The following DLST variants were observed in gnomAD, a reference collection of about 807,000 sequenced individuals.
DLST encodes the protein dihydrolipoyllysine-residue succinyltransferase component of 2-oxoglutarate dehydrogenase complex, mitochondrial.
Under a neutral mutation model 53.1 loss-of-function variants are expected in DLST, and 17 were observed. The observed-to-expected ratio is 0.32, with a 90% confidence interval of 0.22 to 0.48. The LOEUF is 0.48. DLST is among the 20% of genes least tolerant of loss of function. The pLI is 0.99. For missense variants in DLST, 512 were observed against 583.9 expected (o/e 0.88, Z 1.27); for synonymous variants, 206 against 204.8 (o/e 1.01, Z -0.05).
intron 6 of DLST, among the ~76,000 whole-genome samples, chr14:74,890,713 C>CGCT (rs1555373374): frequency 4.6e-5 from 7 of 152,036 alleles, no homozygotes; most frequent in South Asian, 2.1e-4. Context: ...ACTGGAGATA[C>CGCT]GCTGTTGTTG....
rs945799551 is a variant in DLST, at chr14:74,889,972, G to C, written c.330+20G>C. Reference sequence around the variant, plus strand: ...GACAAGGTAGGCTTATCTTATATTCGTACCAGCTTTTCATGGGCTTCCCTT... The same window carrying C: ...GACAAGGTAGGCTTATCTTATATTCCTACCAGCTTTTCATGGGCTTCCCTT... On this transcript the variant is annotated intron_variant, in intron 6 of 14. Transcript: ENST00000334220. 6.8e-6 allele frequency: 11 copies of C among 1,609,228 alleles called. No homozygotes were observed. Among genetic ancestry groups the C allele is most frequent in the South Asian group, 4.4e-5 (4 of 90,420 alleles).
Position 74,900,350 on chromosome 14 carries a change from C to A in DLST, c.1037C>A (p.Thr346Asn). The A allele has an allele frequency of 6.2e-7, 1 of 1,613,806 alleles. No homozygotes were observed. Among genetic ancestry groups the A allele is most frequent in the Non-Finnish European group, 8.5e-7 (1 of 1,179,806 alleles). ...ATGAATTTTGCAGATATTGAACGGA[C>A]CATCACTGAACTGGGAGAGAAGGTA... ...EAMNFADIERTITELGEKARK... is the reference protein window; with the variant it reads ...EAMNFADIERNITELGEKARK... The change falls in exon 13 of 15, where the codon ACC becomes AAC. Residue 346 changes from threonine (T) to asparagine (N), a missense_variant. Physicochemically the swap from Thr to Asn is moderately conservative, Grantham distance 65. Coordinates refer to ENST00000334220, the MANE Select transcript of DLST (RefSeq NM_001933.5).
At chr14:74,894,465 C>T in intron 10 of DLST, 56 bp downstream of exon 10, 1 of 1,565,100 alleles carries the variant, frequency 6.4e-7, no homozygotes, top group East Asian at 2.3e-5. Context: ...AGAACACGAA[C>T]TTGCCCCACT....
At chr14:74,900,753 C>T (rs948719685) in intron 13 of DLST, among the ~76,000 whole-genome samples, 6 of 152,200 alleles carry the variant, frequency 3.9e-5, no homozygotes, top group African/African-American at 1.4e-4. Context: ...GAGGCAGGGT[C>T]TCGCTGTGTT....
chr14:74,883,046 G>A (rs979655527), intron 2 of DLST, among the ~76,000 whole-genome samples: 2 of 152,252 alleles, frequency 1.3e-5, no homozygotes, highest in South Asian at 2.1e-4. Flanking sequence ...TGTAATCCCA[G>A]CACTCTGGGA....
intron 10 of DLST, 116 bp downstream of exon 10, chr14:74,894,525 GTTTA>G: frequency 8.9e-7 from 1 of 1,122,768 alleles, no homozygotes; most frequent in Non-Finnish European, 1.3e-6. Flanking sequence ...AGAGGTATTT[GTTTA>G]TTGTTTTTTG....
intron 7 of DLST, chr14:74,892,118 CTG>C (rs1667940923): frequency 1.3e-5 from 2 of 153,388 alleles, no homozygotes; most frequent in African/African-American, 4.8e-5. Context: ...GAGTTTCACT[CTG>C]TCGCCAGGCT....
At chr14:74,899,120 C>T (rs1386190630) in intron 11 of DLST, among the ~76,000 whole-genome samples, 1 of 152,144 alleles carries the variant, frequency 6.6e-6, no homozygotes, top group African/African-American at 2.4e-5. Context: ...AGTAGAAGCC[C>T]TAGTCCCTCC....
intron 5 of DLST, chr14:74,889,577 G>T (rs1032473652): frequency 4.8e-5 from 26 of 540,642 alleles, no homozygotes; most frequent in Non-Finnish European, 6.8e-5. Flanking sequence ...CACCATGTTG[G>T]TCAGGCTGGT....
rs763870039 is a variant in DLST, at chr14:74,889,128, C to G, written c.180C>G (p.Phe60Leu). ...INNSVFSVRF[F>L]RTTAVCKDDL... ...ACAGTGTCTTCAGTGTTCGCTTTTT[C>G]AGAACTACAGCTGTATGCAGTAAGT... The change falls in exon 4 of 15, where the codon TTC (phenylalanine) becomes TTG (leucine). Residue 60 changes from phenylalanine to leucine, a missense_variant. Around this residue, in one of 4 missense-constraint regions of DLST, gnomAD observed 129 missense variants for 90.9 expected, o/e 1.42. Transcript: ENST00000334220. The G allele has an allele frequency of 1.9e-6, 3 of 1,614,076 alleles. No individual in the cohort carries two copies. The highest frequency in any genetic ancestry group is 2.5e-6 in the Non-Finnish European group (3 of 1,180,016).
At chr14:74,899,732 G>A (rs1884181780) in intron 11 of DLST, among the ~76,000 whole-genome samples, 191 bp from the exon 12 acceptor site, 1 of 152,134 alleles carries the variant, frequency 6.6e-6, no homozygotes, top group African/African-American at 2.4e-5. Context: ...CAGGGACTTG[G>A]GAGATACTAT....
At chr14:74,889,248 T>G (rs369555129) in intron 4 of DLST, 27 bp from the exon 5 acceptor site, 2 of 1,609,822 alleles carry the variant, frequency 1.2e-6, no homozygotes, top group African/African-American at 1.3e-5. Flanking sequence ...GAACTACTTA[T>G]GATTTTCTTT....
intron 11 of DLST, 73 bp from the exon 12 acceptor site, chr14:74,899,846 CTGTT>C (rs2140202873): frequency 8.6e-7 from 1 of 1,158,550 alleles, no homozygotes; most frequent in East Asian, 2.4e-5. Flanking sequence ...GATTTTTACT[CTGTT>C]AATGCACATA....
intron 3 of DLST, among the ~76,000 whole-genome samples, chr14:74,888,132 C>T (rs190979638): frequency 4.6e-3 from 698 of 152,254 alleles, no homozygotes; most frequent in South Asian, 8.5e-3. Flanking sequence ...ATATTATTTA[C>T]TGTAAAGGCC....
intron 3 of DLST, among the ~76,000 whole-genome samples, chr14:74,888,274 G>GTTTTT (rs55729619): frequency 7.6e-6 from 1 of 131,738 alleles, no homozygotes; most frequent in African/African-American, 2.8e-5. Context: ...TTGTTTTTGG[G>GTTTTT]TTTTTTTTTT....
intron 3 of DLST, 157 bp from the exon 4 acceptor site, chr14:74,888,938 C>A: frequency 2.8e-6 from 2 of 708,878 alleles, no homozygotes; most frequent in Non-Finnish European, 2.4e-6. Flanking sequence ...GAGGCCTAGA[C>A]AAGTGAACTT....
chr14:74,898,237 C>A, intron 10 of DLST, 132 bp from the exon 11 acceptor site: 1 of 1,207,930 alleles, frequency 8.3e-7, no homozygotes, highest in Non-Finnish European at 1.2e-6. Context: ...TAGACTATTT[C>A]AAAACTTGAA....
intron 9 of DLST, among the ~76,000 whole-genome samples, chr14:74,893,711 C>T (rs1339675755): frequency 1.3e-5 from 2 of 152,164 alleles, no homozygotes; most frequent in Non-Finnish European, 2.9e-5. Flanking sequence ...TAGTAACTCA[C>T]CCCCGTCCTC....
At chr14:74,892,790 CA>C in intron 7 of DLST, 43 bp from the exon 8 acceptor site, 1 of 1,544,954 alleles carries the variant, frequency 6.5e-7, no homozygotes, top group African/African-American at 1.4e-5. Flanking sequence ...GGTTGCTTCT[CA>C]TTTCAGACAG....
Sources: allele counts gnomAD v4.1 joint callset (sites outside exome capture counted in the v4.1 genomes callset), GRCh38; gene constraint gnomAD v4.1.1; regional missense constraint gnomAD v4.1.1; transcripts MANE v1.5; gene names NCBI Gene and HGNC (gene_info 2026-07-23, HGNC 2026-07-21).